CACHD1: variants seen among roughly 807,000 people sequenced by gnomAD.
CACHD1 encodes the protein VWFA and cache domain-containing protein 1.
A neutral mutation model predicts 138.7 loss-of-function variants in CACHD1; 71 were observed. The ratio of observed to expected loss-of-function variants is 0.51; its 90% CI spans 0.42 to 0.62. The LOEUF (loss-of-function observed/expected upper bound fraction) is 0.62, where lower values mean the gene tolerates loss of function less well. Among genes scored for constraint, CACHD1 ranks in the 20% least tolerant of loss-of-function variants. CACHD1 has a pLI of 0.00. For synonymous variants in CACHD1, 578 were observed against 591.5 expected (o/e 0.98, Z 0.33); for missense variants, 1,389 against 1,625.3 (o/e 0.85, Z 2.50).
At chr1:64,681,541 G>GTTTTTTTTTTTTTTTTTTTTTTTTTTTT (rs57993424) in intron 25 of CACHD1, among the ~76,000 whole-genome samples, 4 of 68,132 alleles carry the variant, frequency 5.9e-5, no homozygotes, top group African/African-American at 7.3e-5. Context: ...ATTTTATTGT[G>GTTTTTTTTTTTTTTTTTTTTTTTTTTTT]TTTTTTTTTT....
chr1:64,667,462 G>A (rs528411337), intron 16 of CACHD1, among the ~76,000 whole-genome samples: 2 of 152,248 alleles, frequency 1.3e-5, no homozygotes, highest in Non-Finnish European at 2.9e-5. Context: ...TCCTTTGTAG[G>A]GTATGGTATC....
chr1:64,628,896 C>T (rs907009820), intron 4 of CACHD1, among the ~76,000 whole-genome samples: 14 of 152,100 alleles, frequency 9.2e-5, no homozygotes, highest in African/African-American at 2.7e-4. Flanking sequence ...ACCATGTATG[C>T]TGTTTCCTTC....
intron 2 of CACHD1, among the ~76,000 whole-genome samples, chr1:64,581,252 T>C (rs1451905391): frequency 6.6e-6 from 1 of 152,156 alleles, no homozygotes; most frequent in East Asian, 1.9e-4. Flanking sequence ...CTGGAAGCTA[T>C]TGGATTGTGT....
At chr1:64,609,239 G>A (rs748421604) in intron 4 of CACHD1, among the ~76,000 whole-genome samples, 2 of 152,090 alleles carry the variant, frequency 1.3e-5, no homozygotes, top group Non-Finnish European at 2.9e-5. Flanking sequence ...AGTTATCCTG[G>A]TAACAATTCA....
At position 64,634,378 on chromosome 1, in the gene CACHD1, G is replaced by GTATT. The variant is rs34411771; in HGVS notation, c.1006+137_1006+140dup. 1.8e-3 allele frequency: 445 copies of GTATT among 243,092 alleles called. 17 individuals are homozygous for GTATT. The East Asian group carries it at 0.037, about 20-fold the overall frequency. The allele number at this position is 243,092 out of a possible 1,614,324, so 15.1% of individuals were successfully genotyped here. On this transcript the variant is annotated intron_variant, in intron 7 of 26. Coordinates refer to ENST00000651257, the MANE Select transcript of CACHD1 (RefSeq NM_020925.4). ...AGATTTTATTTATTTATTTATGTAT[G>GTATT]TATTTATTTATTTATTTATTTACCT...
chr1:64,541,702 C>T (rs1240682400), intron 1 of CACHD1, among the ~76,000 whole-genome samples: 1 of 152,100 alleles, frequency 6.6e-6, no homozygotes, highest in African/African-American at 2.4e-5. Flanking sequence ...CGTGCTGGTA[C>T]GCTCCTGTAT....
intron 9 of CACHD1, among the ~76,000 whole-genome samples, chr1:64,650,414 TCCTGGGAGA>T (rs1553143171): frequency 6.6e-6 from 1 of 152,200 alleles, no homozygotes; most frequent in Non-Finnish European, 1.5e-5. Context: ...AACCTATTTA[TCCTGGGAGA>T]CCTGGGAAAA....
chr1:64,652,691 A>T (rs1454774519), intron 10 of CACHD1, among the ~76,000 whole-genome samples: 1 of 152,210 alleles, frequency 6.6e-6, no homozygotes, highest in African/African-American at 2.4e-5. Flanking sequence ...AACCACAATG[A>T]GATGCCATCC....
intron 1 of CACHD1, among the ~76,000 whole-genome samples, chr1:64,526,691 A>AT (rs1646541605): frequency 1.3e-5 from 2 of 152,084 alleles, no homozygotes; most frequent in East Asian, 1.9e-4. Flanking sequence ...AGATTTATTT[A>AT]TTTTTTTCCC....
At chr1:64,670,857 T>G (rs1031549970) in intron 16 of CACHD1, among the ~76,000 whole-genome samples, 1 of 152,140 alleles carries the variant, frequency 6.6e-6, no homozygotes, top group African/African-American at 2.4e-5. Flanking sequence ...ATAAGCCACA[T>G]ATATAGAAAG....
At chr1:64,610,076 G>A (rs767065095) in intron 4 of CACHD1, among the ~76,000 whole-genome samples, 4 of 152,080 alleles carry the variant, frequency 2.6e-5, no homozygotes, top group South Asian at 2.1e-4. Flanking sequence ...CTTATAAAAC[G>A]ATCAGATCTC....
intron 1 of CACHD1, among the ~76,000 whole-genome samples, chr1:64,525,813 A>G (rs1646534208): frequency 6.6e-6 from 1 of 152,162 alleles, no homozygotes; most frequent in Admixed American, 6.5e-5. Context: ...CTCCCAGAAA[A>G]CTGTAGGTGA....
In CACHD1 at chr1:64,654,687, C is replaced by G. The variant is rs1486970932; in HGVS notation, c.1666C>G (p.Leu556Val). The part of the protein sequence containing the change: ...FELVRQNILS[L>V]PLGSQIIAVP... ...ATTTAATTCTGTTTGCCAACACAGC[C>G]TCCCTCTGGGCAGCCAGATTATCGC... The change falls in exon 12 of 27, where the codon CTC becomes GTC. Residue 556 changes from leucine (L) to valine (V), a missense_variant and splice_region_variant. Transcript: ENST00000651257. 6.2e-7 allele frequency: 1 copy of G among 1,606,722 alleles called. No individual in the cohort carries two copies. Among genetic ancestry groups the G allele is most frequent in the Admixed American group, 1.7e-5 (1 of 59,798 alleles).
In CACHD1 at chr1:64,653,927, G is replaced by A. The variant is rs758758041; in HGVS notation, c.1664+46G>A. 3.8e-6 allele frequency: 6 copies of A among 1,575,598 alleles called. No homozygotes were observed. The South Asian group carries it at 6.8e-5, about 18-fold the overall frequency. On this transcript the variant is annotated intron_variant, in intron 11 of 26. Transcript: ENST00000651257. ...ATAGGATTGTTTTTCCCTGAGAATG[G>A]GACCCATCAAAGCCACATACGAGTA...
chr1:64,668,794 GT>G (rs1306925499), intron 16 of CACHD1, among the ~76,000 whole-genome samples: 5 of 152,164 alleles, frequency 3.3e-5, no homozygotes, highest in Admixed American at 3.3e-4. Flanking sequence ...AATCAACAGA[GT>G]TTAAAATGCA....
intron 2 of CACHD1, among the ~76,000 whole-genome samples, chr1:64,562,902 G>A (rs1041993533): frequency 2.6e-5 from 4 of 152,032 alleles, no homozygotes; most frequent in African/African-American, 9.7e-5. Flanking sequence ...TTGAGAATTG[G>A]TCACACTGCT....
intron 1 of CACHD1, among the ~76,000 whole-genome samples, chr1:64,515,089 G>A (rs1449562047): frequency 1.3e-5 from 2 of 152,136 alleles, no homozygotes; most frequent in South Asian, 2.1e-4. Flanking sequence ...GGAAAATACA[G>A]AGAAATAAAT....
chr1:64,655,064 A>G (rs1331185715), intron 12 of CACHD1, among the ~76,000 whole-genome samples: 2 of 152,208 alleles, frequency 1.3e-5, no homozygotes, highest in African/African-American at 4.8e-5. Flanking sequence ...AAAGTAAACT[A>G]TGCCCAGCCT....
At chr1:64,569,731 A>G (rs1646912045) in intron 2 of CACHD1, among the ~76,000 whole-genome samples, 1 of 149,604 alleles carries the variant, frequency 6.7e-6, no homozygotes, top group Non-Finnish European at 1.5e-5. Context: ...ATGTATGTGC[A>G]GATGTCTTCT....
Sources: gnomAD v4.1 joint callset for allele counts (sites outside exome capture counted in the v4.1 genomes callset) on GRCh38, gnomAD v4.1.1 for gene constraint, MANE v1.5 for transcripts, NCBI Gene and HGNC (gene_info 2026-07-23, HGNC 2026-07-21) for gene names.